CLEC18A: variants seen among roughly 807,000 people sequenced by gnomAD.
CLEC18A encodes the protein C-type lectin domain family 18 member A.
Under a neutral mutation model 24.0 loss-of-function variants are expected in CLEC18A, and 5 were observed. The observed-to-expected ratio is 0.21, with a 90% CI of 0.11 to 0.44. The LOEUF is 0.44. CLEC18A is among the 20% of genes least tolerant of loss of function. CLEC18A has a pLI of 0.99. For missense variants in CLEC18A, 83 were observed against 233.4 expected, an observed-to-expected ratio of 0.36 and a Z score of 4.20; for synonymous variants, 29 against 100.1, an observed-to-expected ratio of 0.29 and a Z score of 4.24.
chr16:69,954,470 T>C lies in CLEC18A; in HGVS notation c.353T>C (p.Val118Ala), dbSNP rs2549097. ...WNMQLLPAGLVSFVEVVSLWF... is the reference protein window; with the variant it reads ...WNMQLLPAGLASFVEVVSLWF... The stretch of plus-strand genomic sequence containing the variant: ...ATGCAGCTGCTACCCGCGGGCTTGG[T>C]GTCCTTTGTCGAAGTGGTCAGCCTA... Residue 118 changes from valine to alanine, a missense_variant, in exon 3 of 12, where the codon GTG (valine) becomes GCG (alanine). Val to Ala is a moderately conservative substitution (Grantham distance 64). Coordinates refer to ENST00000288040, the MANE Select transcript of CLEC18A (RefSeq NM_001370523.4). 0.79 allele frequency: 1,134,315 copies of C among 1,443,514 alleles called. 472,688 individuals carry two copies. Among genetic ancestry groups the C allele is most frequent in the East Asian group, 0.96 (43,116 of 44,724 alleles). 89.4% of individuals were successfully genotyped at this position (1,443,514 alleles called of 1,614,324 possible). A position where few individuals can be genotyped will look rare whatever the true frequency, so the allele number is the denominator to read the frequency against.
At chr16:69,946,306 C>G (rs2058910781), upstream of CLEC18A, among the ~76,000 whole-genome samples, 1 of 137,450 alleles carries the variant, frequency 7.3e-6, no homozygotes, top group South Asian at 2.4e-4. Flanking sequence ...ATTGAGTCTT[C>G]TATTCCATGA....
chr16:69,966,212 G>A (rs1387328442), downstream of CLEC18A, among the ~76,000 whole-genome samples: 7 of 149,556 alleles, frequency 4.7e-5, no homozygotes, highest in South Asian at 2.2e-4. Flanking sequence ...CATCTATTAG[G>A]GGAGTGAGGA....
downstream of CLEC18A, among the ~76,000 whole-genome samples, chr16:69,965,453 C>A (rs1427539638): frequency 3.3e-5 from 5 of 152,020 alleles, no homozygotes; most frequent in East Asian, 9.7e-4. Context: ...TGCGCATGCC[C>A]GCGGGAGGTG....
At chr16:69,956,456 C>A (rs2059037379) in intron 3 of CLEC18A, among the ~76,000 whole-genome samples, 1 of 126,656 alleles carries the variant, frequency 7.9e-6, no homozygotes, top group Non-Finnish European at 1.6e-5. Context: ...CCTGGGTTCA[C>A]ACCATTCTCC....
chr16:69,952,688 G>T (rs570628294), intron 2 of CLEC18A: 1 of 151,626 alleles, frequency 6.6e-6, no homozygotes, highest in South Asian at 2.1e-4. Flanking sequence ...GGCTGGGGCT[G>T]CGGGGTTGGG....
chr16:69,955,170 T>G (rs1233430064), intron 3 of CLEC18A, among the ~76,000 whole-genome samples: 1 of 151,578 alleles, frequency 6.6e-6, no homozygotes, highest in Non-Finnish European at 1.5e-5. Context: ...CCAGCTCATT[T>G]TTTTGTATTT....
At chr16:69,951,255 C>T, upstream of CLEC18A, 2 of 1,532,094 alleles carry the variant, frequency 1.3e-6, no homozygotes, top group Non-Finnish European at 8.8e-7. Flanking sequence ...CTCTTTTGTC[C>T]ACCAGCCCAG....
upstream of CLEC18A, among the ~76,000 whole-genome samples, chr16:69,948,441 G>A (rs2058915040): frequency 1.3e-5 from 2 of 150,938 alleles, no homozygotes; most frequent in South Asian, 4.2e-4. Flanking sequence ...TTTAAAGAAA[G>A]GAGCTGCTTC....
the CLEC18A span, among the ~76,000 whole-genome samples, chr16:69,945,650 T>A: frequency 6.3e-4 from 96 of 152,080 alleles, no homozygotes; most frequent in Non-Finnish European, 1.2e-3. Context: ...TCTCAATTGC[T>A]TTAAAATAAA....
At chr16:69,945,117 C>G in the CLEC18A span, among the ~76,000 whole-genome samples, 1 of 145,968 alleles carries the variant, frequency 6.9e-6, no homozygotes, top group African/African-American at 2.8e-5. Flanking sequence ...AGAGTGAGAC[C>G]CTGTCTGGAA....
upstream of CLEC18A, among the ~76,000 whole-genome samples, chr16:69,948,654 A>G (rs947775228): frequency 5.8e-4 from 87 of 149,904 alleles, no homozygotes; most frequent in African/African-American, 1.8e-3. Context: ...CCTTGCAACA[A>G]TGAGGCTGCC....
At chr16:69,965,350 T>G (rs1001195522), downstream of CLEC18A, among the ~76,000 whole-genome samples, 4 of 151,978 alleles carry the variant, frequency 2.6e-5, no homozygotes, top group African/African-American at 7.3e-5. Flanking sequence ...TCGGTCTGGT[T>G]CCCGGGTCAG....
At chr16:69,946,106 G>A (rs373169758), upstream of CLEC18A, among the ~76,000 whole-genome samples, 27 of 36,310 alleles carry the variant, frequency 7.4e-4, no homozygotes, top group Middle Eastern at 0.012. Flanking sequence ...AAAAAAAAAA[G>A]AAAAGAAAAA....
At chr16:69,956,677 C>G (rs1198079370) in intron 3 of CLEC18A, among the ~76,000 whole-genome samples, 1 of 84,854 alleles carries the variant, frequency 1.2e-5, no homozygotes, top group Non-Finnish European at 2.2e-5. Context: ...TAAGTTTTGT[C>G]AGACTCAAAG....
In CLEC18A at chr16:69,954,395, C is replaced by T. The variant is rs754266281; in HGVS notation, c.278C>T (p.Thr93Ile). The change falls in exon 3 of 12, where the codon ACC becomes ATC. Residue 93 changes from threonine to isoleucine, a missense_variant. Physicochemically the swap from Thr to Ile is moderately conservative, Grantham distance 89. Transcript: ENST00000288040. Reference protein sequence around the residue: ...QARAALCGTPTPSLASGLWRT... With the variant: ...QARAALCGTPIPSLASGLWRT... ...AGGGCAGCCCTCTGTGGAACCCCAA[C>T]CCCGAGCCTGGCGTCCGGCCTGTGG... 1.3e-5 allele frequency: 21 copies of T among 1,609,994 alleles called. No individual in the cohort carries two copies. The Admixed American group carries it at 2.3e-4, about 18-fold the overall frequency.
chr16:69,948,529 G>C (rs1057408526), upstream of CLEC18A, among the ~76,000 whole-genome samples: 2 of 151,924 alleles, frequency 1.3e-5, no homozygotes, highest in Admixed American at 6.6e-5. Context: ...TGCATGAGCT[G>C]GAGAGGGGTG....
intron 3 of CLEC18A, among the ~76,000 whole-genome samples, chr16:69,955,539 T>G (rs942782797): frequency 1.4e-5 from 2 of 138,002 alleles, no homozygotes; most frequent in African/African-American, 6.8e-5. Flanking sequence ...TTAGTAGAGA[T>G]AGGGTTTCAC....
the CLEC18A span, among the ~76,000 whole-genome samples, chr16:69,943,771 C>T: frequency 5.5e-5 from 8 of 146,638 alleles, no homozygotes; most frequent in Non-Finnish European, 6.0e-5. Flanking sequence ...TGAACGCCTG[C>T]GCTTCCCAGC....
At chr16:69,946,392 ATTTTT>A (rs56112480), upstream of CLEC18A, among the ~76,000 whole-genome samples, 771 of 83,040 alleles carry the variant, frequency 9.3e-3, no homozygotes, top group Non-Finnish European at 0.014. Context: ...ATGTGTATGG[ATTTTT>A]TTTTTTTTTT....
Sources: gnomAD v4.1 joint callset for allele counts (sites outside exome capture counted in the v4.1 genomes callset) on GRCh38, gnomAD v4.1.1 for gene constraint, MANE v1.5 for transcripts, NCBI Gene and HGNC (gene_info 2026-07-23, HGNC 2026-07-21) for gene names.